IL7R: variants seen among roughly 807,000 people sequenced by gnomAD.
IL7R encodes interleukin 7 receptor.
Under a neutral mutation model 47.0 loss-of-function variants are expected in IL7R, and 38 were observed. The observed-to-expected ratio is 0.81, with a 90% CI of 0.62 to 1.06. The LOEUF is 1.06. IL7R is among the 50% of genes least tolerant of loss of function. IL7R has a pLI of 0.00. For missense variants in IL7R, 633 were observed against 534.8 expected, an observed-to-expected ratio of 1.18 and a Z score of -1.81; for synonymous variants, 221 against 199.8, an observed-to-expected ratio of 1.11 and a Z score of -0.89.
At chr5:35,866,491 T>C (rs965793542) in intron 2 of IL7R, among the ~76,000 whole-genome samples, 12 of 152,154 alleles carry the variant, frequency 7.9e-5, no homozygotes, top group African/African-American at 2.9e-4. Flanking sequence ...TCTTTCCTTA[T>C]ACATTTGATA....
Position 35,876,058 on chromosome 5 carries a change from G to T in IL7R, c.952G>T (p.Asp318Tyr), listed in dbSNP as rs200521932. The change falls in exon 8 of 8, where the codon GAT (aspartate) becomes TAT (tyrosine). Residue 318 changes from aspartate to tyrosine, a missense_variant. Coordinates refer to ENST00000303115, the MANE Select transcript of IL7R (RefSeq NM_002185.5). The stretch of plus-strand genomic sequence containing the variant: ...TAGGGTGGATGACATTCAAGCTAGA[G>T]ATGAAGTGGAAGGTTTTCTGCAAGA... ...IHRVDDIQAR[D>Y]EVEGFLQDTF... The T allele has an allele frequency of 6.2e-7, 1 of 1,614,164 alleles. No individual in the cohort carries two copies.
chr5:35,875,062 A>T (rs538943790), intron 6 of IL7R, among the ~76,000 whole-genome samples: 2 of 152,320 alleles, frequency 1.3e-5, no homozygotes, highest in South Asian at 2.1e-4. Context: ...AGTACTAAGC[A>T]ATTTCCCTGG....
chr5:35,871,272 G>A lies in IL7R; in HGVS notation c.537+59G>A, dbSNP rs985994233. 8 of 1,392,554 alleles carry A rather than the reference G, an allele frequency of 5.7e-6. No individual in the cohort carries two copies. The African/African-American group carries it at 8.6e-5, about 15-fold the overall frequency. The allele number at this position is 1,392,554 out of a possible 1,614,324, so 86.3% of individuals were successfully genotyped here. On this transcript the variant is annotated intron_variant, in intron 4 of 7. Transcript: ENST00000303115. ...CTTATGAATGTTTTCTATTTTGTTG[G>A]CCTAGTAGTGCATTTCCCCTGGGAG...
At position 35,867,749 on chromosome 5, in the gene IL7R, G is replaced by T. The variant is rs907404972; in HGVS notation, c.379+286G>T. 4.5e-5 allele frequency: 27 copies of T among 595,700 alleles called. No homozygotes were observed. In the African/African-American group the frequency reaches 5.0e-4, roughly 11 times the overall value. 36.9% of individuals were successfully genotyped at this position (595,700 alleles called of 1,614,324 possible). ...CTGGGCTTCCTGTCATCCATCACAG[G>T]TGTCCTTTCCTTCCTTATCTGTCCT... On this transcript the variant is annotated intron_variant, in intron 3 of 7. Coordinates refer to ENST00000303115, the MANE Select transcript of IL7R (RefSeq NM_002185.5).
chr5:35,864,644 A>G (rs556090078), intron 2 of IL7R, among the ~76,000 whole-genome samples: 2 of 152,264 alleles, frequency 1.3e-5, no homozygotes, highest in South Asian at 4.1e-4. Flanking sequence ...AGTATCTGTT[A>G]AAAGCACTGA....
rs576035775 is a variant in IL7R, at chr5:35,864,818, G to A, written c.222-2488G>A. 3.3e-5 allele frequency among the ~76,000 whole-genome samples: 5 copies of A among 151,858 alleles called. No individual in the cohort carries two copies. In the South Asian group the frequency reaches 1.0e-3, roughly 32 times the overall value. On this transcript the variant is annotated intron_variant, in intron 2 of 7. Coordinates refer to ENST00000303115, the MANE Select transcript of IL7R (RefSeq NM_002185.5). Reference sequence around the variant, plus strand: ...GCAAGAGTTTTTTTTTATTTTGATGGAGTCTAATATATCATTTATTTTCTT... The same window carrying A: ...GCAAGAGTTTTTTTTTATTTTGATGAAGTCTAATATATCATTTATTTTCTT...
Position 35,867,433 on chromosome 5 carries a change from A to G in IL7R, c.349A>G (p.Thr117Ala). 1 of 1,613,434 alleles carries G rather than the reference A, an allele frequency of 6.2e-7. No homozygotes were observed. The highest frequency in any genetic ancestry group is 1.1e-5 in the South Asian group (1 of 91,056). Residue 117 changes from threonine to alanine, a missense_variant, in exon 3 of 8, where the codon ACC (threonine) becomes GCC (alanine). Thr to Ala is a moderately conservative substitution (Grantham distance 58). Transcript: ENST00000303115. Reference sequence around the variant, plus strand: ...TGTGAAGGTTGGAGAAAAGAGTCTAACCTGCAAAAAAATAGACCTAACCAC... The same window carrying G: ...TGTGAAGGTTGGAGAAAAGAGTCTAGCCTGCAAAAAAATAGACCTAACCAC... ...ICVKVGEKSL[T>A]CKKIDLTTIV...
chr5:35,875,629 T>TG (rs776380395), intron 7 of IL7R, 42 bp downstream of exon 7: 46 of 1,352,132 alleles, frequency 3.4e-5, no homozygotes, highest in Non-Finnish European at 4.8e-5. Flanking sequence ...GTTGGCAACA[T>TG]CCCAGTGGCC....
intron 4 of IL7R, among the ~76,000 whole-genome samples, chr5:35,873,021 G>GTT (rs11406102): frequency 6.6e-5 from 10 of 151,134 alleles, no homozygotes; most frequent in East Asian, 3.9e-4. Flanking sequence ...TGATAGAGTG[G>GTT]TTTTTTTTTA....
At chr5:35,864,641 G>GT (rs1349515843) in intron 2 of IL7R, among the ~76,000 whole-genome samples, 1 of 152,188 alleles carries the variant, frequency 6.6e-6, no homozygotes, top group East Asian at 1.9e-4. Context: ...GCTAGTATCT[G>GT]TTAAAAGCAC....
rs368863847 is a variant in IL7R, at chr5:35,874,553, T to C, written c.800+11T>C. 4.8e-5 allele frequency: 76 copies of C among 1,574,664 alleles called. No homozygotes were observed. The highest frequency in any genetic ancestry group is 6.6e-5 in the Non-Finnish European group (76 of 1,144,110). Reference sequence around the variant, plus strand: ...GTTATGGAAAAAAAGGTGACCTTCTTCAACTAATAAAGAGGGTGATTGTGT... The same window carrying C: ...GTTATGGAAAAAAAGGTGACCTTCTCCAACTAATAAAGAGGGTGATTGTGT... On this transcript the variant is annotated intron_variant, in intron 6 of 7. Coordinates refer to ENST00000303115, the MANE Select transcript of IL7R (RefSeq NM_002185.5).
intron 1 of IL7R, among the ~76,000 whole-genome samples, chr5:35,858,096 C>G (rs1051552917): frequency 3.3e-5 from 5 of 152,132 alleles, no homozygotes; most frequent in Admixed American, 3.3e-4. Flanking sequence ...TCCACAAAGA[C>G]TGATGGGAGG....
At chr5:35,871,282 G>A in intron 4 of IL7R, 69 bp downstream of exon 4, 2 of 1,314,198 alleles carry the variant, frequency 1.5e-6, no homozygotes, top group Non-Finnish European at 1.1e-6. Context: ...GCCTAGTAGT[G>A]CATTTCCCCT....
chr5:35,863,293 C>G (rs1326283945), intron 2 of IL7R, among the ~76,000 whole-genome samples: 1 of 152,120 alleles, frequency 6.6e-6, no homozygotes, highest in Admixed American at 6.6e-5. Flanking sequence ...AGGAGCTTAA[C>G]CAGTCACTCT....
At chr5:35,857,692 A>G (rs1353007164) in intron 1 of IL7R, among the ~76,000 whole-genome samples, 1 of 152,188 alleles carries the variant, frequency 6.6e-6, no homozygotes, top group Non-Finnish European at 1.5e-5. Flanking sequence ...CTCCACACCA[A>G]CAAATTGGCC....
intron 4 of IL7R, 66 bp downstream of exon 4, chr5:35,871,279 A>C: frequency 9.7e-6 from 13 of 1,346,090 alleles, no homozygotes; most frequent in Non-Finnish European, 1.3e-5. Context: ...TTGGCCTAGT[A>C]GTGCATTTCC....
At chr5:35,873,416 T>C in intron 4 of IL7R, 64 bp from the exon 5 acceptor site, 1 of 1,304,116 alleles carries the variant, frequency 7.7e-7, no homozygotes, top group Non-Finnish European at 1.1e-6. Context: ...ATTGAAATGA[T>C]TTGGGAGATT....
chr5:35,870,523 A>C (rs11567746), intron 3 of IL7R, among the ~76,000 whole-genome samples: 1,846 of 152,358 alleles, frequency 0.012, 40 homozygotes, highest in African/African-American at 0.042. Context: ...TTTGGGGCTC[A>C]TTAGTAACAA....
In IL7R at chr5:35,877,058, G is replaced by A; in HGVS notation, c.*572G>A. ...AGGGAGGGGCCAAGATATGATGGCT[G>A]GGAGTCTAATTGCAGTTCCCTGAGC... is the stretch of plus-strand genomic sequence containing the variant. On this transcript the variant is annotated 3_prime_UTR_variant, in exon 8 of 8. Transcript: ENST00000303115. 1 of 236,914 alleles carries A rather than the reference G, an allele frequency of 4.2e-6. No homozygotes were observed. The highest frequency in any genetic ancestry group is 8.3e-6 in the Non-Finnish European group (1 of 120,492). The allele number at this position is 236,914 out of a possible 1,614,324, so 14.7% of individuals were successfully genotyped here.
Sources: allele counts gnomAD v4.1 joint callset (sites outside exome capture counted in the v4.1 genomes callset), GRCh38; gene constraint gnomAD v4.1.1; transcripts MANE v1.5; gene names NCBI Gene and HGNC (gene_info 2026-07-23, HGNC 2026-07-21).